The following EPN1 variants were observed in gnomAD, a reference collection of about 807,000 sequenced individuals.
The protein encoded by EPN1 is epsin-1.
Under a neutral mutation model 56.9 loss-of-function variants are expected in EPN1, and 25 were observed. The ratio of observed to expected loss-of-function variants is 0.44; its 90% CI spans 0.32 to 0.61. The LOEUF (loss-of-function observed/expected upper bound fraction) is 0.61. EPN1 is among the 20% of genes least tolerant of loss of function. The probability of loss-of-function intolerance (pLI) is 0.05; values close to 1 mark genes in which losing one functional copy is unlikely to be tolerated. For missense variants in EPN1, 785 were observed against 823.7 expected, an observed-to-expected ratio of 0.95 and a Z score of 0.58; for synonymous variants, 411 against 361.8, an observed-to-expected ratio of 1.14 and a Z score of -1.54.
At chr19:55,677,250 T>C (rs1985499863) in intron 1 of EPN1, 1 of 1,240,068 alleles carries the variant, frequency 8.1e-7, no homozygotes. Flanking sequence ...GCTGAACCTC[T>C]GTGTCTCAGT....
At position 55,701,889 on chromosome 19, in the gene EPN1, C is replaced by G. The variant is rs762398662; in HGVS notation, c.*6533C>G. The stretch of plus-strand genomic sequence containing the variant: ...GGAGGGGTGTCTTTTCTTCCTAGGG[C>G]CTGAAGAACCAGTTAGGACCAGGTG... On this transcript the variant is annotated 3_prime_UTR_variant, in exon 11 of 11. Transcript: ENST00000270460. 1 of 151,444 alleles carries G rather than the reference C, an allele frequency of 6.6e-6. No individual in the cohort carries two copies. The highest frequency in any genetic ancestry group is 6.6e-5 in the Admixed American group (1 of 15,208). 9.4% of individuals were successfully genotyped at this position (151,444 alleles called of 1,614,324 possible).
rs545875752 is a variant in EPN1 at position 55,688,302 on chromosome 19, C to T, written c.479-568C>T. On this transcript the variant is annotated intron_variant, in intron 3 of 10. Coordinates refer to ENST00000270460, the MANE Select transcript of EPN1 (RefSeq NM_001130072.2). ...TATCTCAGCAGCCTCCTGGAGGGTC[C>T]GGCCCTGCCTTCCTGTGTCCTCTCT... 3.3e-5 allele frequency among the ~76,000 whole-genome samples: 5 copies of T among 152,124 alleles called. No individual in the cohort carries two copies. In the East Asian group the frequency reaches 7.7e-4, roughly 24 times the overall value.
chr19:55,707,707 C>G lies in EPN1; in HGVS notation c.*12351C>G, dbSNP rs1354350724. 2 of 154,620 alleles carry G rather than the reference C, an allele frequency of 1.3e-5. No individual in the cohort carries two copies. The highest frequency in any genetic ancestry group is 2.9e-5 in the Non-Finnish European group (2 of 68,228). The allele number at this position is 154,620 out of a possible 1,614,324, so 9.6% of individuals were successfully genotyped here. A position where few individuals can be genotyped will look rare whatever the true frequency, so the allele number is the denominator to read the frequency against. ...TTCCATAATATCTTTCCCATCTTGA[C>G]TGAGCATCAAATGAGGCCCACACAC... On this transcript the variant is annotated 3_prime_UTR_variant, in exon 11 of 11. Coordinates refer to ENST00000270460, the MANE Select transcript of EPN1 (RefSeq NM_001130072.2).
chr19:55,695,401 G>C lies in EPN1; in HGVS notation c.*45G>C. On this transcript the variant is annotated 3_prime_UTR_variant, in exon 11 of 11. Transcript: ENST00000270460. This position sits in a 1 kb window ranked among gnomAD's most constrained non-coding sequence, Gnocchi z 4.4. ...TGGCTCCATCCGGCTGCCCCATTCCGGCTCCCTGGGAGATCAGTGTTGTGA... is the reference window on the plus strand; with the variant it reads ...TGGCTCCATCCGGCTGCCCCATTCCCGCTCCCTGGGAGATCAGTGTTGTGA... The C allele has an allele frequency of 9.4e-7, 1 of 1,069,302 alleles. No individual in the cohort carries two copies. The highest frequency in any genetic ancestry group is 1.3e-6 in the Non-Finnish European group (1 of 740,804). 66.2% of individuals were successfully genotyped at this position (1,069,302 alleles called of 1,614,324 possible).
Position 55,700,995 on chromosome 19 carries a change from G to C in EPN1, c.*5639G>C, listed in dbSNP as rs915488946. ...AGGAGTGGCCAGGTCCCGATGTCAC[G>C]GGGAGCCGGGCTGGGACAAGCTCCA... On this transcript the variant is annotated 3_prime_UTR_variant, in exon 11 of 11. Coordinates refer to ENST00000270460, the MANE Select transcript of EPN1 (RefSeq NM_001130072.2). The C allele has an allele frequency of 6.6e-6, 1 of 152,264 alleles. No individual in the cohort carries two copies. Among genetic ancestry groups the C allele is most frequent in the Non-Finnish European group, 1.5e-5 (1 of 68,100 alleles). The allele number at this position is 152,264 out of a possible 1,614,324, so 9.4% of individuals were successfully genotyped here. A position where few individuals can be genotyped will look rare whatever the true frequency, so the allele number is the denominator to read the frequency against.
chr19:55,678,771 C>T lies in EPN1; in HGVS notation c.144C>T (p.Tyr48=). 6.2e-7 allele frequency: 1 copy of T among 1,614,190 alleles called. No homozygotes were observed. Among genetic ancestry groups the T allele is most frequent in the Non-Finnish European group, 8.5e-7 (1 of 1,180,028 alleles). The change falls in exon 2 of 11, where the codon TAC becomes TAT. Residue 48 remains tyrosine, a synonymous_variant. Coordinates refer to ENST00000270460, the MANE Select transcript of EPN1 (RefSeq NM_001130072.2). Reference sequence around the variant, plus strand: ...TGTCAGAGATTGCCGACCTCACCTACAACGTTGTCGCCTTCTCGGAGATCA... The same window carrying T: ...TGTCAGAGATTGCCGACCTCACCTATAACGTTGTCGCCTTCTCGGAGATCA... ...SLMSEIADLT[Y]NVVAFSEIMS... is the part of the protein sequence containing the mutation.
chr19:55,680,464 C>T (rs1202763196), intron 2 of EPN1, among the ~76,000 whole-genome samples: 4 of 152,306 alleles, frequency 2.6e-5, no homozygotes, highest in African/African-American at 4.8e-5. Flanking sequence ...GCTGAGGACA[C>T]GGGGTTCCCG....
In EPN1 at chr19:55,707,855, T is replaced by C. The variant is rs1475073975; in HGVS notation, c.*12499T>C. 6.5e-6 allele frequency: 1 copy of C among 154,422 alleles called. No homozygotes were observed. Among genetic ancestry groups the C allele is most frequent in the Admixed American group, 6.5e-5 (1 of 15,296 alleles). The allele number at this position is 154,422 out of a possible 1,614,324, so 9.6% of individuals were successfully genotyped here. A position where few individuals can be genotyped will look rare whatever the true frequency, so the allele number is the denominator to read the frequency against. On this transcript the variant is annotated 3_prime_UTR_variant, in exon 11 of 11. Transcript: ENST00000270460. ...CCAGTCTTGAGTGTAAACTCGTGTTTACAGGTCTTAAAGTCCTGACCTGGT... is the reference window on the plus strand; with the variant it reads ...CCAGTCTTGAGTGTAAACTCGTGTTCACAGGTCTTAAAGTCCTGACCTGGT...
chr19:55,678,048 G>A (rs1255763418), intron 1 of EPN1, among the ~76,000 whole-genome samples: 5 of 151,982 alleles, frequency 3.3e-5, no homozygotes. Context: ...CCAGGGATAG[G>A]TGACTGTGAT....
chr19:55,677,043 C>A, intron 1 of EPN1: 1 of 1,453,748 alleles, frequency 6.9e-7, no homozygotes. Context: ...CATCTGTCTT[C>A]AGGTGCCTGG....
chr19:55,693,616 G>A (rs1233377287), intron 9 of EPN1, among the ~76,000 whole-genome samples: 6 of 152,322 alleles, frequency 3.9e-5, no homozygotes, highest in African/African-American at 1.2e-4. Context: ...TGGGCCACTG[G>A]TGCTTCGCCG....
At position 55,691,825 on chromosome 19, in the gene EPN1, C is replaced by G; in HGVS notation, c.834C>G (p.Gly278=). The change falls in exon 7 of 11, where the codon GGC becomes GGG. Residue 278 remains glycine, a synonymous_variant. Transcript: ENST00000270460. This position sits in a 1 kb window ranked among gnomAD's most constrained non-coding sequence, Gnocchi z 5.6. ...CCCCGACCACAGACCCCTGGGGGGGCCCAGCACCCATGGCTGCTGCCGTCC... is the reference window on the plus strand; with the variant it reads ...CCCCGACCACAGACCCCTGGGGGGGGCCAGCACCCATGGCTGCTGCCGTCC... ...APAPTTDPWG[G]PAPMAAAVPT... The G allele has an allele frequency of 6.2e-7, 1 of 1,609,672 alleles. No individual in the cohort carries two copies. The highest frequency in any genetic ancestry group is 8.5e-7 in the Non-Finnish European group (1 of 1,177,360).
chr19:55,703,866 C>T lies in EPN1; in HGVS notation c.*8510C>T, dbSNP rs900624435. On this transcript the variant is annotated 3_prime_UTR_variant, in exon 11 of 11. Transcript: ENST00000270460. ...TGGGATTGGAGGAAGCTGGAAAGCG[C>T]TCCCCTGCGTTTCGGCTGCTGGCCC... 3 of 152,232 alleles carry T rather than the reference C, an allele frequency of 2.0e-5. No homozygotes were observed. The highest frequency in any genetic ancestry group is 4.4e-5 in the Non-Finnish European group (3 of 68,040). 9.4% of individuals were successfully genotyped at this position (152,232 alleles called of 1,614,324 possible).
rs1178299025 is a variant in EPN1, at chr19:55,703,048, C to G, written c.*7692C>G. The G allele has an allele frequency of 6.6e-6, 1 of 152,264 alleles. No homozygotes were observed. Among genetic ancestry groups the G allele is most frequent in the African/African-American group, 2.4e-5 (1 of 41,442 alleles). 9.4% of individuals were successfully genotyped at this position (152,264 alleles called of 1,614,324 possible). ...TCTGACCTTGTGATTCCGCCCACCT[C>G]GGCCTCCCAAAGTGCTGGGATTACA... On this transcript the variant is annotated 3_prime_UTR_variant, in exon 11 of 11. Transcript: ENST00000270460.
Position 55,675,309 on chromosome 19 carries a change from C to G in EPN1, c.-228C>G, listed in dbSNP as rs565536505. 1.3e-4 allele frequency: 20 copies of G among 151,916 alleles called. No individual in the cohort carries two copies. The highest frequency in any genetic ancestry group is 2.6e-4 in the Non-Finnish European group (18 of 67,954). The allele number at this position is 151,916 out of a possible 1,614,324, so 9.4% of individuals were successfully genotyped here. Reference sequence around the variant, plus strand: ...CTGGGCGGCGGGGCGGCGGAGCCGTCGGCGTGCGGCCCTCCTTGCGTTCGT... The same window carrying G: ...CTGGGCGGCGGGGCGGCGGAGCCGTGGGCGTGCGGCCCTCCTTGCGTTCGT... On this transcript the variant is annotated 5_prime_UTR_variant, in exon 1 of 11. Transcript: ENST00000270460.
At position 55,704,114 on chromosome 19, in the gene EPN1, TCTC is replaced by T. The variant is rs1012071502; in HGVS notation, c.*8764_*8766del. ...CGCGGGCTCTTACTCGTGGTCCCGG[TCTC>T]CTCCTGGTCCCCACCTTCCAGCCCA... On this transcript the variant is annotated 3_prime_UTR_variant, in exon 11 of 11. Transcript: ENST00000270460. 1.6e-4 allele frequency: 25 copies of T among 152,232 alleles called. No homozygotes were observed. Among genetic ancestry groups the T allele is most frequent in the African/African-American group, 4.6e-4 (19 of 41,408 alleles). 9.4% of individuals were successfully genotyped at this position (152,232 alleles called of 1,614,324 possible).
intron 2 of EPN1, among the ~76,000 whole-genome samples, chr19:55,679,308 G>A (rs2122162979): frequency 6.6e-6 from 1 of 152,384 alleles, no homozygotes; most frequent in Non-Finnish European, 1.5e-5. Flanking sequence ...TGCTCTTGGG[G>A]TCCAGGGGCC....
rs117763047 is a variant in EPN1, at chr19:55,691,281, C to G, written c.763-473C>G. Among the ~76,000 whole-genome samples the G allele has an allele frequency of 0.022, 3,306 of 152,000 alleles. 58 individuals carry two copies. The highest frequency in any genetic ancestry group is 0.033 in the Non-Finnish European group (2,249 of 67,952). On this transcript the variant is annotated intron_variant, in intron 6 of 10. Coordinates refer to ENST00000270460, the MANE Select transcript of EPN1 (RefSeq NM_001130072.2). The surrounding 1 kb of genome is among the most constrained non-coding windows in gnomAD (Gnocchi z 5.6). The stretch of plus-strand genomic sequence containing the variant: ...CATCGTGAGGGGTGCTCAGGTTGAC[C>G]TGAGTGGGTTCATGGGGGGCTTCCC...
intron 2 of EPN1, among the ~76,000 whole-genome samples, chr19:55,684,682 C>T (rs894282798): frequency 3.3e-5 from 5 of 152,164 alleles, no homozygotes; most frequent in African/African-American, 1.2e-4. Context: ...ACTACTGCTC[C>T]AGGCTGTTAG....
Sources: gnomAD v4.1 joint callset for allele counts (sites outside exome capture counted in the v4.1 genomes callset) on GRCh38, gnomAD v4.1.1 for gene constraint, Gnocchi (gnomAD v3.1) non-coding constraint, MANE v1.5 for transcripts, NCBI Gene and HGNC (gene_info 2026-07-23, HGNC 2026-07-21) for gene names.